Variants in FOXD3 observed in about 807,000 individuals in gnomAD.
The protein encoded by FOXD3 is forkhead box D3, also known as forkhead box protein D3.
FOXD3 carries 3 observed loss-of-function variants against 3.6 expected under a neutral mutation model. The ratio of observed to expected loss-of-function variants is 0.84; its 90% CI spans 0.38 to 2.18. The LOEUF (loss-of-function observed/expected upper bound fraction) is 2.18, where lower values mean the gene tolerates loss of function less well. Among genes scored for constraint, FOXD3 ranks in the 30% most tolerant of loss-of-function variants. The probability of loss-of-function intolerance (pLI) is 0.06; values close to 1 mark genes in which losing one functional copy is unlikely to be tolerated. For synonymous variants in FOXD3, 391 were observed against 360.9 expected, an observed-to-expected ratio of 1.08 and a Z score of -0.94; for missense variants, 686 against 731.6, an observed-to-expected ratio of 0.94 and a Z score of 0.72.
In FOXD3 at chr1:63,324,723, G is replaced by A; in HGVS notation, c.*228G>A. On this transcript the variant is annotated 3_prime_UTR_variant, in exon 1 of 1. Coordinates refer to ENST00000371116, the MANE Select transcript of FOXD3 (RefSeq NM_012183.3). The surrounding 1 kb of genome is among the most constrained non-coding windows in gnomAD (Gnocchi z 4.1). Reference sequence around the variant, plus strand: ...AGCAAACTCACCGCGCGCCCGCCGGGGATAGCTTTCCATACAGGTAAAACC... The same window carrying A: ...AGCAAACTCACCGCGCGCCCGCCGGAGATAGCTTTCCATACAGGTAAAACC... 1 of 565,312 alleles carries A rather than the reference G, an allele frequency of 1.8e-6. No individual in the cohort carries two copies. The highest frequency in any genetic ancestry group is 3.2e-6 in the Non-Finnish European group (1 of 316,394). The allele number at this position is 565,312 out of a possible 1,614,324, so 35.0% of individuals were successfully genotyped here.
chr1:63,324,622 C>G lies in FOXD3; in HGVS notation c.*127C>G, dbSNP rs945233927. On this transcript the variant is annotated 3_prime_UTR_variant, in exon 1 of 1. Transcript: ENST00000371116. The surrounding 1 kb of genome is among the most constrained non-coding windows in gnomAD (Gnocchi z 4.1). ...GCCCAATCCTGGACTCTGCCTCTCC[C>G]CAATTTCCTTTCCCCTGAGCCCCCA... 1 of 709,398 alleles carries G rather than the reference C, an allele frequency of 1.4e-6. No individual in the cohort carries two copies. Among genetic ancestry groups the G allele is most frequent in the Non-Finnish European group, 2.4e-6 (1 of 424,334 alleles). The allele number at this position is 709,398 out of a possible 1,614,324, so 43.9% of individuals were successfully genotyped here. A position where few individuals can be genotyped will look rare whatever the true frequency, so the allele number is the denominator to read the frequency against.
At position 63,323,894 on chromosome 1, in the gene FOXD3, C is replaced by A; in HGVS notation, c.836C>A (p.Pro279His). The change falls in exon 1 of 1, where the codon CCT (proline) becomes CAT (histidine). Residue 279 changes from proline to histidine, a missense_variant. Coordinates refer to ENST00000371116, the MANE Select transcript of FOXD3 (RefSeq NM_012183.3). The surrounding 1 kb of genome is among the most constrained non-coding windows in gnomAD (Gnocchi z 6.8). ...GPYGRPYGLH[P>H]AAAAGAYSHP... ...TACGGCCGCCCCTACGGCCTGCACC[C>A]TGCGGCGGCGGCCGGTGCCTATTCG... 2 of 1,370,606 alleles carry A rather than the reference C, an allele frequency of 1.5e-6. No individual in the cohort carries two copies. Among genetic ancestry groups the A allele is most frequent in the Non-Finnish European group, 1.9e-6 (2 of 1,069,010 alleles). 84.9% of individuals were successfully genotyped at this position (1,370,606 alleles called of 1,614,324 possible).
Position 63,323,111 on chromosome 1 carries a change from T to C in FOXD3, c.53T>C (p.Leu18Pro), listed in dbSNP as rs769709137. The C allele has an allele frequency of 6.4e-7, 1 of 1,567,336 alleles. No homozygotes were observed. Among genetic ancestry groups the C allele is most frequent in the South Asian group, 1.2e-5 (1 of 85,812 alleles). Residue 18 changes from leucine (L) to proline (P), a missense_variant, in exon 1 of 1, where the codon CTG becomes CCG. Transcript: ENST00000371116. The surrounding 1 kb of genome is among the most constrained non-coding windows in gnomAD (Gnocchi z 6.8). ...AGCGACATGTCCGGCCAGACGGTGC[T>C]GACGGCCGAGGACGTGGACATCGAT... ...SASDMSGQTV[L>P]TAEDVDIDVV...
Position 63,322,971 on chromosome 1 carries a change from C to A in FOXD3, c.-88C>A. 7.0e-7 allele frequency: 1 copy of A among 1,427,274 alleles called. No individual in the cohort carries two copies. Among genetic ancestry groups the A allele is most frequent in the Non-Finnish European group, 9.2e-7 (1 of 1,089,354 alleles). The allele number at this position is 1,427,274 out of a possible 1,614,324, so 88.4% of individuals were successfully genotyped here. A position where few individuals can be genotyped will look rare whatever the true frequency, so the allele number is the denominator to read the frequency against. On this transcript the variant is annotated 5_prime_UTR_variant, in exon 1 of 1. Transcript: ENST00000371116. ...CCCCCATCTTTCGGGGGCACTCAAA[C>A]CCTCTTCCCCTGAGCTCCGTGGCAG...
At position 63,324,374 on chromosome 1, in the gene FOXD3, G is replaced by A. The variant is rs748436975; in HGVS notation, c.1316G>A (p.Arg439Gln). The change falls in exon 1 of 1, where the codon CGG (arginine) becomes CAG (glutamine). Residue 439 changes from arginine to glutamine, a missense_variant. Around this residue, in one of 3 missense-constraint regions of FOXD3, gnomAD observed 370 missense variants for 372.3 expected, o/e 0.99. Transcript: ENST00000371116. This position sits in a 1 kb window ranked among gnomAD's most constrained non-coding sequence, Gnocchi z 4.1. ...MATHQPLSLS[R>Q]TTATIAPILS... Reference sequence around the variant, plus strand: ...ACCCACCAACCGCTGTCGCTGAGCCGGACGACTGCCACCATCGCGCCCATT... The same window carrying A: ...ACCCACCAACCGCTGTCGCTGAGCCAGACGACTGCCACCATCGCGCCCATT... 4.4e-6 allele frequency: 7 copies of A among 1,588,902 alleles called. No homozygotes were observed. Among genetic ancestry groups the A allele is most frequent in the South Asian group, 1.1e-5 (1 of 89,372 alleles).
In FOXD3 at chr1:63,324,068, T is replaced by A; in HGVS notation, c.1010T>A (p.Leu337His). 1 of 1,406,790 alleles carries A rather than the reference T, an allele frequency of 7.1e-7. No homozygotes were observed. Among genetic ancestry groups the A allele is most frequent in the Non-Finnish European group, 9.2e-7 (1 of 1,090,826 alleles). The allele number at this position is 1,406,790 out of a possible 1,614,324, so 87.1% of individuals were successfully genotyped here. A position where few individuals can be genotyped will look rare whatever the true frequency, so the allele number is the denominator to read the frequency against. The change falls in exon 1 of 1, where the codon CTC becomes CAC. Residue 337 changes from leucine (L) to histidine (H), a missense_variant. Physicochemically the swap from Leu to His is moderately conservative, Grantham distance 99. Coordinates refer to ENST00000371116, the MANE Select transcript of FOXD3 (RefSeq NM_012183.3). The surrounding 1 kb of genome is among the most constrained non-coding windows in gnomAD (Gnocchi z 4.1). ...GRKAAAFGSQ[L>H]GPGLQLQLNS... ...AAAGCGGCCGCCTTCGGCTCACAGC[T>A]CGGCCCGGGCCTGCAGCTGCAGCTC...
rs372167096 is a variant in FOXD3, at chr1:63,324,759, T to G, written c.*264T>G. 3.6e-3 allele frequency: 1,925 copies of G among 529,294 alleles called. 23 individuals are homozygous for G. The highest frequency in any genetic ancestry group is 0.03 in the Middle Eastern group (62 of 2,048). The allele number at this position is 529,294 out of a possible 1,614,324, so 32.8% of individuals were successfully genotyped here. ...CATACAGGTAAAACCGAAAACCGAATTTTCCAAAAATGCACCCCGACGGCG... is the reference window on the plus strand; with the variant it reads ...CATACAGGTAAAACCGAAAACCGAAGTTTCCAAAAATGCACCCCGACGGCG... On this transcript the variant is annotated 3_prime_UTR_variant, in exon 1 of 1. Transcript: ENST00000371116. The surrounding 1 kb of genome is among the most constrained non-coding windows in gnomAD (Gnocchi z 4.1).
rs1470286732 is a variant in FOXD3, at chr1:63,322,918, C to T, written c.-141C>T. ...GAGCTGAGCCCAGCGGGCCCCAAGC[C>T]ACCTGCGGCCCCCTCCCCTCTCCCT... On this transcript the variant is annotated 5_prime_UTR_variant, in exon 1 of 1. Coordinates refer to ENST00000371116, the MANE Select transcript of FOXD3 (RefSeq NM_012183.3). 9 of 1,392,104 alleles carry T rather than the reference C, an allele frequency of 6.5e-6. No individual in the cohort carries two copies. In the African/African-American group the frequency reaches 1.2e-4, roughly 19 times the overall value. 86.2% of individuals were successfully genotyped at this position (1,392,104 alleles called of 1,614,324 possible).
In FOXD3 at chr1:63,322,827, C is replaced by A. The variant is rs112023039; in HGVS notation, c.-232C>A. 19,524 of 985,356 alleles carry A rather than the reference C, an allele frequency of 0.02. 230 individuals carry two copies. The highest frequency in any genetic ancestry group is 0.054 in the Admixed American group (884 of 16,290). The allele number at this position is 985,356 out of a possible 1,614,324, so 61.0% of individuals were successfully genotyped here. A position where few individuals can be genotyped will look rare whatever the true frequency, so the allele number is the denominator to read the frequency against. On this transcript the variant is annotated 5_prime_UTR_variant, in exon 1 of 1. Coordinates refer to ENST00000371116, the MANE Select transcript of FOXD3 (RefSeq NM_012183.3). ...CCGAGCGCCAGGGACGGCAGGAGTT[C>A]GCGGAGCGCGGCCGCTGGGGGCGGA...
rs1176205110 is a variant in FOXD3, at chr1:63,323,927, CAGCGGCGGCGGCCGCG to C, written c.870_885del (p.Ala291LeufsTer89). On this transcript the variant is annotated frameshift_variant, in exon 1 of 1. Coordinates refer to ENST00000371116, the MANE Select transcript of FOXD3 (RefSeq NM_012183.3). LOFTEE classifies it low-confidence loss of function (END_TRUNC). This position sits in a 1 kb window ranked among gnomAD's most constrained non-coding sequence, Gnocchi z 6.8. ...GCGGCCGGTGCCTATTCGCACCCGG[CAGCGGCGGCGGCCGCG>C]GCTGCTGCGGCGGCGCTCCAGTACC... is the stretch of plus-strand genomic sequence containing the variant. 16 of 1,254,506 alleles carry C rather than the reference CAGCGGCGGCGGCCGCG, an allele frequency of 1.3e-5. No individual in the cohort carries two copies. Among genetic ancestry groups the C allele is most frequent in the Non-Finnish European group, 3.0e-6 (3 of 1,004,630 alleles). 77.7% of individuals were successfully genotyped at this position (1,254,506 alleles called of 1,614,324 possible).
In FOXD3 at chr1:63,323,760, G is replaced by T. The variant is rs1294974775; in HGVS notation, c.702G>T (p.Arg234=). The T allele has an allele frequency of 3.1e-6, 5 of 1,596,442 alleles. No individual in the cohort carries two copies. Among genetic ancestry groups the T allele is most frequent in the Non-Finnish European group, 4.3e-6 (5 of 1,169,224 alleles). The change falls in exon 1 of 1, where the codon CGG becomes CGT. Residue 234 remains arginine, a synonymous_variant. Transcript: ENST00000371116. The surrounding 1 kb of genome is among the most constrained non-coding windows in gnomAD (Gnocchi z 6.8). The part of the protein sequence containing the change: ...MFDNGSFLRR[R]KRFKRHQQEH... Reference sequence around the variant, plus strand: ...ACAACGGCAGCTTCCTGCGGCGCCGGAAACGCTTCAAGCGCCACCAGCAGG... The same window carrying T: ...ACAACGGCAGCTTCCTGCGGCGCCGTAAACGCTTCAAGCGCCACCAGCAGG...
In FOXD3 at chr1:63,323,026, C is replaced by G. The variant is rs1433973005; in HGVS notation, c.-33C>G. 1.3e-6 allele frequency: 2 copies of G among 1,511,156 alleles called. No individual in the cohort carries two copies. Among genetic ancestry groups the G allele is most frequent in the Admixed American group, 2.0e-5 (1 of 49,450 alleles). 93.6% of individuals were successfully genotyped at this position (1,511,156 alleles called of 1,614,324 possible). ...CGAACACCCTCATCGCCCGCTGCCC[C>G]CTCCCCGCCGCCGCTACCAACCCCG... On this transcript the variant is annotated 5_prime_UTR_variant, in exon 1 of 1. Coordinates refer to ENST00000371116, the MANE Select transcript of FOXD3 (RefSeq NM_012183.3). The surrounding 1 kb of genome is among the most constrained non-coding windows in gnomAD (Gnocchi z 6.8).
chr1:63,323,588 A>G lies in FOXD3; in HGVS notation c.530A>G (p.Tyr177Cys). Residue 177 changes from tyrosine to cysteine, a missense_variant, in exon 1 of 1, where the codon TAC becomes TGC. Around this residue, in one of 3 missense-constraint regions of FOXD3, gnomAD observed 84 missense variants for 145.2 expected, o/e 0.58. Transcript: ENST00000371116. The surrounding 1 kb of genome is among the most constrained non-coding windows in gnomAD (Gnocchi z 6.8). ...ICEFISNRFP[Y>C]YREKFPAWQN... Reference sequence around the variant, plus strand: ...GAGTTCATCAGCAACCGCTTCCCCTACTACAGGGAGAAGTTCCCCGCCTGG... The same window carrying G: ...GAGTTCATCAGCAACCGCTTCCCCTGCTACAGGGAGAAGTTCCCCGCCTGG... 3 of 1,614,012 alleles carry G rather than the reference A, an allele frequency of 1.9e-6. No homozygotes were observed. Among genetic ancestry groups the G allele is most frequent in the Non-Finnish European group, 1.7e-6 (2 of 1,179,976 alleles).
chr1:63,324,366 G>C lies in FOXD3; in HGVS notation c.1308G>C (p.Ser436=). ...AALMATHQPL[S]LSRTTATIAP... ...TCATGGCCACCCACCAACCGCTGTC[G>C]CTGAGCCGGACGACTGCCACCATCG... The change falls in exon 1 of 1, where the codon TCG becomes TCC. Residue 436 remains serine (S), a synonymous_variant. Coordinates refer to ENST00000371116, the MANE Select transcript of FOXD3 (RefSeq NM_012183.3). This position sits in a 1 kb window ranked among gnomAD's most constrained non-coding sequence, Gnocchi z 4.1. The C allele has an allele frequency of 2.5e-6, 4 of 1,588,502 alleles. No homozygotes were observed. The highest frequency in any genetic ancestry group is 1.3e-5 in the African/African-American group (1 of 74,490).
Position 63,324,381 on chromosome 1 carries a change from T to C in FOXD3, c.1323T>C (p.Thr441=), listed in dbSNP as rs1647058752. ...THQPLSLSRT[T]ATIAPILSVP... ...AACCGCTGTCGCTGAGCCGGACGAC[T>C]GCCACCATCGCGCCCATTCTTAGCG... Residue 441 remains threonine, a synonymous_variant, in exon 1 of 1, where the codon ACT becomes ACC. Coordinates refer to ENST00000371116, the MANE Select transcript of FOXD3 (RefSeq NM_012183.3). The surrounding 1 kb of genome is among the most constrained non-coding windows in gnomAD (Gnocchi z 4.1). 6.3e-7 allele frequency: 1 copy of C among 1,588,668 alleles called. No homozygotes were observed. Among genetic ancestry groups the C allele is most frequent in the East Asian group, 2.3e-5 (1 of 43,784 alleles).
Position 63,323,736 on chromosome 1 carries a change from C to A in FOXD3, c.678C>A (p.Asp226Glu). 6.2e-7 allele frequency: 1 copy of A among 1,613,946 alleles called. No individual in the cohort carries two copies. The highest frequency in any genetic ancestry group is 8.5e-7 in the Non-Finnish European group (1 of 1,179,970). Residue 226 changes from aspartate (D) to glutamate (E), a missense_variant, in exon 1 of 1, where the codon GAC becomes GAA. By Grantham distance (45) the Asp-to-Glu change is conservative (BLOSUM62 2). Coordinates refer to ENST00000371116, the MANE Select transcript of FOXD3 (RefSeq NM_012183.3). The surrounding 1 kb of genome is among the most constrained non-coding windows in gnomAD (Gnocchi z 6.8). ...ACCCGCAGTCCGAGGACATGTTCGA[C>A]AACGGCAGCTTCCTGCGGCGCCGGA... is the stretch of plus-strand genomic sequence containing the variant. ...TLDPQSEDMFDNGSFLRRRKR... is the reference protein window; with the variant it reads ...TLDPQSEDMFENGSFLRRRKR...
Position 63,322,758 on chromosome 1 carries a change from C to G in FOXD3, c.-301C>G, listed in dbSNP as rs1054554414. ...AGGCGGGCTAAGTGAGGGGGCGCGG[C>G]GTGGAGAACCGCCGGGGCCGGGAGC... On this transcript the variant is annotated 5_prime_UTR_variant, in exon 1 of 1. Transcript: ENST00000371116. The G allele has an allele frequency of 2.8e-5, 28 of 985,248 alleles. No individual in the cohort carries two copies. The highest frequency in any genetic ancestry group is 3.4e-5 in the Non-Finnish European group (28 of 829,902). The allele number at this position is 985,248 out of a possible 1,614,324, so 61.0% of individuals were successfully genotyped here. A position where few individuals can be genotyped will look rare whatever the true frequency, so the allele number is the denominator to read the frequency against.
rs764320615 is a variant in FOXD3 at position 63,324,080 on chromosome 1, T to C, written c.1022T>C (p.Leu341Pro). The change falls in exon 1 of 1, where the codon CTG becomes CCG. Residue 341 changes from leucine (L) to proline (P), a missense_variant. By Grantham distance (98) the Leu-to-Pro change is moderately conservative (BLOSUM62 -3). This residue lies in a region of FOXD3 where 370 missense variants were observed against 372.3 expected (regional missense o/e 0.99). Coordinates refer to ENST00000371116, the MANE Select transcript of FOXD3 (RefSeq NM_012183.3). The surrounding 1 kb of genome is among the most constrained non-coding windows in gnomAD (Gnocchi z 4.1). ...TTCGGCTCACAGCTCGGCCCGGGCC[T>C]GCAGCTGCAGCTCAATAGCCTGGGC... ...AAFGSQLGPG[L>P]QLQLNSLGAA... 6.6e-5 allele frequency: 94 copies of C among 1,421,236 alleles called. No homozygotes were observed. In the Middle Eastern group the frequency reaches 9.9e-4, roughly 15 times the overall value. The allele number at this position is 1,421,236 out of a possible 1,614,324, so 88.0% of individuals were successfully genotyped here. A position where few individuals can be genotyped will look rare whatever the true frequency, so the allele number is the denominator to read the frequency against.
rs1569984550 is a variant in FOXD3, at chr1:63,323,339, G to A, written c.281G>A (p.Gly94Asp). ...GCCGGAGCCGGGGCCGGACCGGGGG[G>A]CGACGTGGGCGCGCCGGAGGCGGAC... ...EAAGAGAGPGGDVGAPEADGC... is the reference protein window; with the variant it reads ...EAAGAGAGPGDDVGAPEADGC... The change falls in exon 1 of 1, where the codon GGC becomes GAC. Residue 94 changes from glycine to aspartate, a missense_variant. This residue lies in a region of FOXD3 where 232 missense variants were observed against 214.0 expected (regional missense o/e 1.08). Transcript: ENST00000371116. This position sits in a 1 kb window ranked among gnomAD's most constrained non-coding sequence, Gnocchi z 6.8. The A allele has an allele frequency of 2.2e-6, 3 of 1,347,800 alleles. No individual in the cohort carries two copies. The highest frequency in any genetic ancestry group is 2.9e-6 in the Non-Finnish European group (3 of 1,051,416). The allele number at this position is 1,347,800 out of a possible 1,614,324, so 83.5% of individuals were successfully genotyped here.
Sources: gnomAD v4.1 joint callset for allele counts on GRCh38, gnomAD v4.1.1 for gene constraint, gnomAD v4.1.1 regional missense constraint, Gnocchi (gnomAD v3.1) non-coding constraint, MANE v1.5 for transcripts, NCBI Gene and HGNC (gene_info 2026-07-23, HGNC 2026-07-21) for gene names.